The following PLXDC2 variants were observed in gnomAD, a reference collection of about 807,000 sequenced individuals.
PLXDC2 encodes the protein plexin domain containing 2.
PLXDC2 carries 40 observed loss-of-function variants against 68.9 expected under a neutral mutation model. The observed-to-expected ratio is 0.58, with a 90% CI of 0.45 to 0.76. The LOEUF (loss-of-function observed/expected upper bound fraction) is 0.76, where lower values mean the gene tolerates loss of function less well. PLXDC2 is among the 30% of genes least tolerant of loss of function. PLXDC2 has a pLI of 0.00. For synonymous variants in PLXDC2, 243 were observed against 234.2 expected, an observed-to-expected ratio of 1.04 and a Z score of -0.34; for missense variants, 644 against 661.9, an observed-to-expected ratio of 0.97 and a Z score of 0.30.
At chr10:20,002,352 T>C (rs1279358186) in intron 2 of PLXDC2, among the ~76,000 whole-genome samples, 1 of 151,540 alleles carries the variant, frequency 6.6e-6, no homozygotes, top group African/African-American at 2.4e-5. Flanking sequence ...CTCTGCTTCC[T>C]GGGTTCAAGC....
chr10:19,949,755 G>A (rs1833963868), intron 1 of PLXDC2, among the ~76,000 whole-genome samples: 1 of 152,138 alleles, frequency 6.6e-6, no homozygotes, highest in Non-Finnish European at 1.5e-5. Context: ...GAATTTTCTT[G>A]CTCCAGTTAC....
intron 1 of PLXDC2, among the ~76,000 whole-genome samples, chr10:19,979,463 C>T (rs1443258978): frequency 6.6e-6 from 1 of 151,500 alleles, no homozygotes; most frequent in Non-Finnish European, 1.5e-5. Context: ...ACTGCAAGCT[C>T]CACCTCCCAG....
chr10:20,194,285 C>A (rs889100267), intron 9 of PLXDC2, among the ~76,000 whole-genome samples: 4 of 148,962 alleles, frequency 2.7e-5, no homozygotes, highest in African/African-American at 9.8e-5. Context: ...ATCTTGGTAA[C>A]CTTGTAGCAA....
At chr10:20,182,839 C>T (rs1359645692) in intron 9 of PLXDC2, among the ~76,000 whole-genome samples, 3 of 151,904 alleles carry the variant, frequency 2.0e-5, no homozygotes, top group African/African-American at 7.3e-5. Context: ...ACTGCTGTCC[C>T]TCCCCTTGTC....
intron 12 of PLXDC2, among the ~76,000 whole-genome samples, chr10:20,232,160 C>A (rs1835373762): frequency 6.6e-6 from 1 of 151,930 alleles, no homozygotes; most frequent in Non-Finnish European, 1.5e-5. Flanking sequence ...AACAATAAAC[C>A]AAAACATGAA....
At chr10:20,231,822 A>G (rs1186867014) in intron 12 of PLXDC2, among the ~76,000 whole-genome samples, 2 of 152,018 alleles carry the variant, frequency 1.3e-5, no homozygotes, top group African/African-American at 2.4e-5. Context: ...TGGAGACCAG[A>G]CTGGCTAACA....
chr10:20,011,876 G>C (rs993684283), intron 2 of PLXDC2, among the ~76,000 whole-genome samples: 1 of 152,166 alleles, frequency 6.6e-6, no homozygotes, highest in Admixed American at 6.5e-5. Flanking sequence ...TTGGGTACAC[G>C]AATCACAGTG....
chr10:20,064,352 C>G (rs947314283), intron 3 of PLXDC2, among the ~76,000 whole-genome samples: 4 of 151,704 alleles, frequency 2.6e-5, no homozygotes, highest in Non-Finnish European at 5.9e-5. Context: ...TCCCGAATAG[C>G]TAGGACTACA....
At chr10:20,028,677 T>G (rs1835447504) in intron 2 of PLXDC2, among the ~76,000 whole-genome samples, 1 of 152,182 alleles carries the variant, frequency 6.6e-6, no homozygotes, top group African/African-American at 2.4e-5. Flanking sequence ...CTGGCAAGTC[T>G]TTTAGATTTT....
chr10:20,185,593 G>A (rs2131833785), intron 9 of PLXDC2, among the ~76,000 whole-genome samples: 1 of 152,064 alleles, frequency 6.6e-6, no homozygotes, highest in African/African-American at 2.4e-5. Context: ...TAAATCACTA[G>A]TTAGAGTCAG....
chr10:20,206,842 G>A (rs1834999316), intron 9 of PLXDC2, among the ~76,000 whole-genome samples: 1 of 139,456 alleles, frequency 7.2e-6, no homozygotes. Context: ...ATGTCATTGT[G>A]CTTTGAAACA....
intron 2 of PLXDC2, among the ~76,000 whole-genome samples, chr10:20,032,449 G>A (rs1835515050): frequency 6.6e-6 from 1 of 152,210 alleles, no homozygotes; most frequent in Non-Finnish European, 1.5e-5. Context: ...GATATGATTA[G>A]ATTTCTGGTT....
At chr10:20,157,468 A>G (rs1465294081) in intron 6 of PLXDC2, among the ~76,000 whole-genome samples, 1 of 152,232 alleles carries the variant, frequency 6.6e-6, no homozygotes, top group Non-Finnish European at 1.5e-5. Flanking sequence ...TTCAGGGCAG[A>G]ACAAAGAGGA....
At chr10:19,897,880 A>T (rs181233245) in intron 1 of PLXDC2, among the ~76,000 whole-genome samples, 11 of 152,150 alleles carry the variant, frequency 7.2e-5, no homozygotes, top group Non-Finnish European at 1.3e-4. Context: ...TAATTAAAAA[A>T]TTTTTAAGTA....
intron 2 of PLXDC2, among the ~76,000 whole-genome samples, chr10:20,005,872 GT>G (rs1165230491): frequency 6.6e-6 from 1 of 152,116 alleles, no homozygotes; most frequent in East Asian, 1.9e-4. Context: ...ATATCAGAAA[GT>G]TTTACGTATC....
At chr10:20,049,851 GA>G (rs949020381) in intron 3 of PLXDC2, among the ~76,000 whole-genome samples, 6 of 151,992 alleles carry the variant, frequency 3.9e-5, no homozygotes, top group Non-Finnish European at 7.4e-5. Flanking sequence ...CATAGAAGTA[GA>G]AAAATTTATT....
intron 1 of PLXDC2, among the ~76,000 whole-genome samples, chr10:19,969,163 A>G (rs1252395737): frequency 2.0e-5 from 3 of 152,256 alleles, no homozygotes; most frequent in Non-Finnish European, 4.4e-5. Flanking sequence ...ACACCAAAAG[A>G]TCAGAAACAT....
intron 1 of PLXDC2, among the ~76,000 whole-genome samples, chr10:19,837,237 T>C (rs73601616): frequency 0.031 from 4,683 of 151,890 alleles, 191 homozygotes; most frequent in East Asian, 0.11. Context: ...TGAAGTGAAA[T>C]ATCAAGCTTA....
chr10:19,866,643 A>G (rs1028347549), intron 1 of PLXDC2, among the ~76,000 whole-genome samples: 1 of 152,174 alleles, frequency 6.6e-6, no homozygotes. Flanking sequence ...CAATACTGAC[A>G]CCAGGATTTG....
Sources: allele counts gnomAD v4.1 joint callset (sites outside exome capture counted in the v4.1 genomes callset), GRCh38; gene constraint gnomAD v4.1.1; transcripts MANE v1.5; gene names NCBI Gene and HGNC (gene_info 2026-07-23, HGNC 2026-07-21).